Variants in SORCS2 observed in about 807,000 individuals in gnomAD.
SORCS2 encodes the protein VPS10 domain-containing receptor SorCS2.
Under a neutral mutation model 141.6 loss-of-function variants are expected in SORCS2, and 100 were observed. That is an observed-to-expected ratio of 0.71 (90% confidence interval 0.60 to 0.83). The LOEUF is 0.83. SORCS2 is among the 40% of genes least tolerant of loss of function. SORCS2 has a pLI of 0.00. For missense variants in SORCS2, 1,646 were observed against 1,560.2 expected, an observed-to-expected ratio of 1.05 and a Z score of -0.93; for synonymous variants, 789 against 676.9, an observed-to-expected ratio of 1.17 and a Z score of -2.57.
At chr4:7,587,062 G>A (rs1235845769) in intron 3 of SORCS2, among the ~76,000 whole-genome samples, 5 of 151,968 alleles carry the variant, frequency 3.3e-5, no homozygotes, top group Admixed American at 2.6e-4. Flanking sequence ...GAGATGGGCG[G>A]GGCTGCCCTG....
intron 3 of SORCS2, among the ~76,000 whole-genome samples, chr4:7,565,754 TG>T (rs536909390): frequency 8.0e-5 from 12 of 150,830 alleles, no homozygotes; most frequent in Non-Finnish European, 1.2e-4. Flanking sequence ...GTGAAAGTGA[TG>T]GTGATGGTGT....
At chr4:7,440,208 G>T (rs999674908) in intron 2 of SORCS2, among the ~76,000 whole-genome samples, 7 of 152,212 alleles carry the variant, frequency 4.6e-5, no homozygotes, top group Non-Finnish European at 5.9e-5. Flanking sequence ...TAGGGAGCGG[G>T]GGAGGAGGCT....
rs533507826 is a variant in SORCS2 at position 7,565,007 on chromosome 4, T to G, written c.648+33378T>G. 3.9e-5 allele frequency among the ~76,000 whole-genome samples: 6 copies of G among 152,202 alleles called. No individual in the cohort carries two copies. The South Asian group carries it at 1.2e-3, about 32-fold the overall frequency. On this transcript the variant is annotated intron_variant, in intron 3 of 26. Coordinates refer to ENST00000507866, the MANE Select transcript of SORCS2 (RefSeq NM_020777.3). ...GCACCGGCAGGCTTTGGAAATTAAT[T>G]TCCTTTGGATGCTCCTCCTCATGTT...
intron 1 of SORCS2, among the ~76,000 whole-genome samples, chr4:7,277,592 CAG>C (rs1715585911): frequency 6.6e-6 from 1 of 152,188 alleles, no homozygotes; most frequent in Middle Eastern, 3.4e-3. Flanking sequence ...ACTTGAAAGT[CAG>C]GGGGAGAGAT....
At chr4:7,252,480 A>T (rs1713573958) in intron 1 of SORCS2, among the ~76,000 whole-genome samples, 1 of 152,200 alleles carries the variant, frequency 6.6e-6, no homozygotes, top group African/African-American at 2.4e-5. Context: ...TGTTCCTATG[A>T]TGGTTGAACT....
intron 2 of SORCS2, among the ~76,000 whole-genome samples, chr4:7,478,576 G>A (rs9647417): frequency 0.12 from 18,197 of 152,118 alleles, 1,495 homozygotes; most frequent in African/African-American, 0.24. Flanking sequence ...AGAGCCTGGC[G>A]CCTGGCAGCC....
chr4:7,699,529 T>C (rs1450708399), intron 12 of SORCS2, among the ~76,000 whole-genome samples: 1 of 151,966 alleles, frequency 6.6e-6, no homozygotes, highest in African/African-American at 2.4e-5. Context: ...TGTTGGGCTC[T>C]GGGAAGCCCA....
chr4:7,730,415 A>G (rs1000755731), intron 23 of SORCS2, among the ~76,000 whole-genome samples: 1 of 152,256 alleles, frequency 6.6e-6, no homozygotes, highest in Non-Finnish European at 1.5e-5. Context: ...ACTTATGGGT[A>G]TATACCCAAG....
intron 4 of SORCS2, among the ~76,000 whole-genome samples, chr4:7,641,211 G>A (rs1335069085): frequency 6.6e-6 from 1 of 152,182 alleles, no homozygotes; most frequent in African/African-American, 2.4e-5. Flanking sequence ...AACTACCTGA[G>A]ACTGATTAAT....
At chr4:7,507,302 G>A (rs953868161) in intron 2 of SORCS2, among the ~76,000 whole-genome samples, 1 of 152,140 alleles carries the variant, frequency 6.6e-6, no homozygotes, top group Non-Finnish European at 1.5e-5. Flanking sequence ...AGCCTCCTGA[G>A]TAGCTGGGAT....
chr4:7,430,015 G>T (rs1726722802), intron 2 of SORCS2, among the ~76,000 whole-genome samples: 1 of 152,198 alleles, frequency 6.6e-6, no homozygotes, highest in South Asian at 2.1e-4. Flanking sequence ...GCCCTGTGGT[G>T]CCTGGCACTC....
intron 1 of SORCS2, among the ~76,000 whole-genome samples, chr4:7,279,379 T>C (rs771878054): frequency 6.6e-6 from 1 of 152,210 alleles, no homozygotes; most frequent in Non-Finnish European, 1.5e-5. Flanking sequence ...AAGGAAAAGA[T>C]GAAGCAGTCA....
chr4:7,373,525 G>T (rs1722415856), intron 1 of SORCS2, among the ~76,000 whole-genome samples: 1 of 104,130 alleles, frequency 9.6e-6, no homozygotes, highest in Admixed American at 1.3e-4. Flanking sequence ...GTCTCGCTCT[G>T]TCACCCTGGA....
chr4:7,384,874 C>T (rs1040315596), intron 1 of SORCS2, among the ~76,000 whole-genome samples: 5 of 152,226 alleles, frequency 3.3e-5, no homozygotes, highest in East Asian at 3.8e-4. Flanking sequence ...GGGCAGGGGG[C>T]GCGGACACTG....
chr4:7,709,803 G>A (rs1725705448), intron 14 of SORCS2, among the ~76,000 whole-genome samples: 1 of 152,148 alleles, frequency 6.6e-6, no homozygotes, highest in Admixed American at 6.5e-5. Context: ...ACTTTCACCT[G>A]CCTCTCTTTC....
rs542201549 is a variant in SORCS2 at position 7,508,285 on chromosome 4, A to AG, written c.549-23244dup. 2.3e-4 allele frequency among the ~76,000 whole-genome samples: 16 copies of AG among 68,172 alleles called. No homozygotes were observed. The South Asian group carries it at 0.012, about 49-fold the overall frequency. 44.7% of individuals were successfully genotyped at this position (68,172 alleles called of 152,430 possible). A position where few individuals can be genotyped will look rare whatever the true frequency, so the allele number is the denominator to read the frequency against. On this transcript the variant is annotated intron_variant, in intron 2 of 26. Transcript: ENST00000507866. ...AGAGGGAAAAACAGAGGGTGGCCCT[A>AG]GCACCCATCACCTCTTTCCCACTTA... is the stretch of plus-strand genomic sequence containing the variant.
At chr4:7,449,561 G>C (rs573742535) in intron 2 of SORCS2, among the ~76,000 whole-genome samples, 1 of 151,274 alleles carries the variant, frequency 6.6e-6, no homozygotes, top group South Asian at 2.1e-4. Flanking sequence ...GGGCTTCTGC[G>C]ACCCAGCACC....
intron 2 of SORCS2, among the ~76,000 whole-genome samples, chr4:7,528,192 G>T (rs113037038): frequency 2.3e-3 from 349 of 152,284 alleles, no homozygotes; most frequent in Non-Finnish European, 4.1e-3. Context: ...TCATGTGAAA[G>T]AATTTGAATG....
chr4:7,489,385 G>T (rs1731185835), intron 2 of SORCS2, among the ~76,000 whole-genome samples: 1 of 152,140 alleles, frequency 6.6e-6, no homozygotes, highest in Non-Finnish European at 1.5e-5. Context: ...CGCTCCCTGT[G>T]TTGCTTTTCG....
Sources: gnomAD v4.1 joint callset for allele counts (sites outside exome capture counted in the v4.1 genomes callset) on GRCh38, gnomAD v4.1.1 for gene constraint, MANE v1.5 for transcripts, NCBI Gene and HGNC (gene_info 2026-07-23, HGNC 2026-07-21) for gene names.